LINGO2: variants seen among roughly 807,000 people sequenced by gnomAD.
LINGO2 encodes leucine-rich repeat and immunoglobulin-like domain-containing nogo receptor-interacting protein 2.
In LINGO2, 14 loss-of-function variants were observed where a neutral mutation model predicts 30.6. The ratio of observed to expected loss-of-function variants is 0.46; its 90% CI spans 0.30 to 0.72. The LOEUF (loss-of-function observed/expected upper bound fraction) is 0.72. LINGO2 is among the 30% of genes least tolerant of loss of function. LINGO2 has a pLI of 0.07. For missense variants in LINGO2, 729 were observed against 751.7 expected, an observed-to-expected ratio of 0.97 and a Z score of 0.35; for synonymous variants, 317 against 288.5, an observed-to-expected ratio of 1.10 and a Z score of -1.00.
chr9:28,421,480 A>G (rs1434360674), intron 2 of LINGO2, among the ~76,000 whole-genome samples: 1 of 140,028 alleles, frequency 7.1e-6, no homozygotes, highest in Non-Finnish European at 1.6e-5. Flanking sequence ...ATAGCCAAAA[A>G]CGTCTTGAAA....
chr9:28,133,215 T>C (rs1563993469), intron 4 of LINGO2, among the ~76,000 whole-genome samples: 3 of 152,176 alleles, frequency 2.0e-5, no homozygotes, highest in African/African-American at 7.2e-5. Context: ...AAAAAGAATA[T>C]ATTTTCCTGA....
At chr9:27,995,055 G>A (rs185832870) in intron 5 of LINGO2, among the ~76,000 whole-genome samples, 66 of 152,216 alleles carry the variant, frequency 4.3e-4, no homozygotes, top group African/African-American at 1.5e-3. Flanking sequence ...GACAAAAAAG[G>A]AGACCTTATA....
chr9:28,310,413 T>C (rs1451696897), intron 3 of LINGO2, among the ~76,000 whole-genome samples: 1 of 152,154 alleles, frequency 6.6e-6, no homozygotes, highest in Non-Finnish European at 1.5e-5. Context: ...AAAATAATTA[T>C]GCTGCATGAA....
chr9:28,975,500 G>A, the LINGO2 span, among the ~76,000 whole-genome samples: 1 of 152,168 alleles, frequency 6.6e-6, no homozygotes, highest in African/African-American at 2.4e-5. Flanking sequence ...AGTGCCACTT[G>A]CTCTGTGGCA....
intron 1 of LINGO2, among the ~76,000 whole-genome samples, chr9:28,507,137 A>G (rs1010587677): frequency 5.3e-5 from 8 of 151,750 alleles, no homozygotes; most frequent in Non-Finnish European, 4.4e-5. Context: ...ATGAATGGCA[A>G]CTCTCGCTGA....
At chr9:28,196,882 C>T (rs1820033093) in intron 4 of LINGO2, among the ~76,000 whole-genome samples, 1 of 151,884 alleles carries the variant, frequency 6.6e-6, no homozygotes, top group African/African-American at 2.4e-5. Context: ...AGAATGATGG[C>T]TTCCAGAGGC....
the LINGO2 span, among the ~76,000 whole-genome samples, chr9:28,861,538 G>C: frequency 6.7e-6 from 1 of 149,778 alleles, no homozygotes; most frequent in Non-Finnish European, 1.5e-5. Context: ...ACTCATAACT[G>C]CACTCAAGCA....
chr9:28,599,347 G>A (rs934282478), intron 1 of LINGO2: 7 of 152,048 alleles, frequency 4.6e-5, no homozygotes, highest in Non-Finnish European at 1.0e-4. Flanking sequence ...ATGTAATACT[G>A]AACAATATTA....
the LINGO2 span, among the ~76,000 whole-genome samples, chr9:28,753,802 C>G: frequency 6.6e-6 from 1 of 151,772 alleles, no homozygotes; most frequent in East Asian, 1.9e-4. Context: ...ATATACAGAG[C>G]CAAGTGAGGA....
chr9:29,103,790 T>A, the LINGO2 span, among the ~76,000 whole-genome samples: 3 of 152,274 alleles, frequency 2.0e-5, no homozygotes, highest in Non-Finnish European at 4.4e-5. Flanking sequence ...GGTCAATTTT[T>A]AAATCAACAA....
intron 3 of LINGO2, among the ~76,000 whole-genome samples, chr9:28,344,531 T>A (rs1275527375): frequency 6.6e-6 from 1 of 152,170 alleles, no homozygotes; most frequent in African/African-American, 2.4e-5. Flanking sequence ...TATCTGGGTA[T>A]ATATACATAG....
chr9:28,549,541 C>A (rs1011114461), intron 1 of LINGO2, among the ~76,000 whole-genome samples: 1 of 151,878 alleles, frequency 6.6e-6, no homozygotes, highest in Non-Finnish European at 1.5e-5. Flanking sequence ...GATATTTTCT[C>A]CAGAATAGTT....
At chr9:29,188,323 A>T in the LINGO2 span, among the ~76,000 whole-genome samples, 2 of 150,792 alleles carry the variant, frequency 1.3e-5, no homozygotes, top group African/African-American at 2.4e-5. Flanking sequence ...TTCAGAGAGC[A>T]CAGGGTTGGG....
At chr9:28,223,146 A>G (rs1821025848) in intron 4 of LINGO2, among the ~76,000 whole-genome samples, 1 of 152,176 alleles carries the variant, frequency 6.6e-6, no homozygotes, top group African/African-American at 2.4e-5. Flanking sequence ...GAGAGATGGT[A>G]TGTCCATTTG....
the LINGO2 span, among the ~76,000 whole-genome samples, chr9:28,779,831 C>G: frequency 6.6e-6 from 1 of 152,080 alleles, no homozygotes. Flanking sequence ...CTGATACTGA[C>G]TCACAGATGG....
intron 4 of LINGO2, among the ~76,000 whole-genome samples, chr9:28,179,826 T>G (rs770376645): frequency 6.6e-6 from 1 of 151,542 alleles, no homozygotes; most frequent in African/African-American, 2.4e-5. Flanking sequence ...TTTTTCCTCA[T>G]GAAAAGAAAA....
intron 4 of LINGO2, chr9:28,149,187 G>A: frequency 7.7e-7 from 1 of 1,290,712 alleles, no homozygotes; most frequent in Non-Finnish European, 1.1e-6. Context: ...GAGCTGCTTA[G>A]GAGGAGAAAG....
the LINGO2 span, among the ~76,000 whole-genome samples, chr9:29,135,558 CAAA>C: frequency 9.2e-6 from 1 of 108,210 alleles, no homozygotes; most frequent in Non-Finnish European, 1.9e-5. Context: ...ATTCCATCTC[CAAA>C]AAAAAAAAAA....
downstream of LINGO2, among the ~76,000 whole-genome samples, chr9:27,946,519 G>GC (rs992550166): frequency 3.9e-4 from 60 of 152,202 alleles, no homozygotes; most frequent in African/African-American, 1.3e-3. Flanking sequence ...AAATCACAAA[G>GC]CCCTCTTATT....
Sources: gnomAD v4.1 joint callset for allele counts (sites outside exome capture counted in the v4.1 genomes callset) on GRCh38, gnomAD v4.1.1 for gene constraint, MANE v1.5 for transcripts, NCBI Gene and HGNC (gene_info 2026-07-23, HGNC 2026-07-21) for gene names.